The following TMEM182 variants were observed in gnomAD, a reference collection of about 807,000 sequenced individuals.
TMEM182 encodes the protein transmembrane protein 182.
Under a neutral mutation model 26.8 loss-of-function variants are expected in TMEM182, and 20 were observed. The observed-to-expected ratio is 0.75, with a 90% confidence interval of 0.53 to 1.09. TMEM182 has a LOEUF of 1.09. Ranked by LOEUF, TMEM182 falls within the 50% of genes least tolerant of loss-of-function variation. The probability of loss-of-function intolerance (pLI) is 0.00; values close to 1 mark genes in which losing one functional copy is unlikely to be tolerated. For missense variants in TMEM182, 277 were observed against 275.5 expected (o/e 1.01, Z -0.04); for synonymous variants, 109 against 102.2 (o/e 1.07, Z -0.40).
At chr2:102,793,269 G>A (rs557509468) in intron 3 of TMEM182, among the ~76,000 whole-genome samples, 3 of 152,302 alleles carry the variant, frequency 2.0e-5, no homozygotes, top group East Asian at 3.9e-4. Context: ...ATTTACTGAT[G>A]TTTTAGGTTT....
chr2:102,781,115 T>C (rs760790668), intron 3 of TMEM182, among the ~76,000 whole-genome samples: 1 of 152,202 alleles, frequency 6.6e-6, no homozygotes. Context: ...GAGTTATTAG[T>C]TGTACTTACT....
intron 3 of TMEM182, among the ~76,000 whole-genome samples, chr2:102,789,778 G>A (rs1279409869): frequency 6.6e-6 from 1 of 151,974 alleles, no homozygotes; most frequent in African/African-American, 2.4e-5. Flanking sequence ...TAGAGGACCA[G>A]CTCCTTGGAA....
At chr2:102,748,901 G>T (rs1209688153) in intron 1 of TMEM182, among the ~76,000 whole-genome samples, 1 of 152,014 alleles carries the variant, frequency 6.6e-6, no homozygotes. Flanking sequence ...ACCACTCTTA[G>T]AGCTTTGGAA....
Position 102,807,946 on chromosome 2 carries a change from A to G in TMEM182, c.470-6802A>G, listed in dbSNP as rs186138671. On this transcript the variant is annotated intron_variant, in intron 4 of 4. Transcript: ENST00000412401. ...CATACATAAATGAATGACCCTATAT[A>G]CAACATGATTTGTAGATATCATGCA... Among the ~76,000 whole-genome samples the G allele has an allele frequency of 3.9e-5, 6 of 152,334 alleles. No individual in the cohort carries two copies. The East Asian group carries it at 1.2e-3, about 29-fold the overall frequency.
At chr2:102,786,041 ATTT>A (rs35677242) in intron 3 of TMEM182, among the ~76,000 whole-genome samples, 8 of 135,818 alleles carry the variant, frequency 5.9e-5, no homozygotes, top group Non-Finnish European at 9.5e-5. Context: ...GTGTAGATTG[ATTT>A]TTTTTTTTTT....
At chr2:102,749,096 T>C (rs1679801045) in intron 1 of TMEM182, among the ~76,000 whole-genome samples, 1 of 152,212 alleles carries the variant, frequency 6.6e-6, no homozygotes, top group South Asian at 2.1e-4. Context: ...ATTAAAACTT[T>C]ATATTCTTAC....
At chr2:102,787,069 A>T (rs1380183245) in intron 3 of TMEM182, among the ~76,000 whole-genome samples, 3 of 152,196 alleles carry the variant, frequency 2.0e-5, no homozygotes, top group African/African-American at 7.2e-5. Flanking sequence ...CCAACTCTTG[A>T]ATATACCTCT....
intron 4 of TMEM182, among the ~76,000 whole-genome samples, chr2:102,812,935 A>C (rs1317286652): frequency 6.6e-6 from 1 of 152,208 alleles, no homozygotes; most frequent in African/African-American, 2.4e-5. Context: ...GTTGCTAGAC[A>C]ACACATGGAA....
chr2:102,794,173 A>T (rs929767866), intron 3 of TMEM182, among the ~76,000 whole-genome samples: 4 of 152,226 alleles, frequency 2.6e-5, no homozygotes, highest in African/African-American at 9.6e-5. Context: ...TAAAGGATGG[A>T]CACAAACATC....
chr2:102,821,145 G>A (rs577197676), downstream of TMEM182, among the ~76,000 whole-genome samples: 2 of 152,266 alleles, frequency 1.3e-5, no homozygotes, highest in East Asian at 3.9e-4. Context: ...ATGCCAAGGT[G>A]CACTCCAGAC....
chr2:102,817,655 A>G lies in TMEM182; in HGVS notation c.*2687A>G. On this transcript the variant is annotated 3_prime_UTR_variant, in exon 5 of 5. Coordinates refer to ENST00000412401, the MANE Select transcript of TMEM182 (RefSeq NM_144632.5). Reference sequence around the variant, plus strand: ...TTATTAAATTTGAAGATTAAATGGAATTATAAAGGAATATATTGGAGGAAG... The same window carrying G: ...TTATTAAATTTGAAGATTAAATGGAGTTATAAAGGAATATATTGGAGGAAG... 1 of 980,772 alleles carries G rather than the reference A, an allele frequency of 1.0e-6. No individual in the cohort carries two copies. The highest frequency in any genetic ancestry group is 1.2e-6 in the Non-Finnish European group (1 of 825,694). 60.8% of individuals were successfully genotyped at this position (980,772 alleles called of 1,614,324 possible).
rs6752950 is a variant in TMEM182, at chr2:102,816,833, C to A, written c.*1865C>A. 1 of 985,546 alleles carries A rather than the reference C, an allele frequency of 1.0e-6. No homozygotes were observed. The highest frequency in any genetic ancestry group is 1.8e-5 in the African/African-American group (1 of 57,134). The allele number at this position is 985,546 out of a possible 1,614,324, so 61.1% of individuals were successfully genotyped here. Reference sequence around the variant, plus strand: ...TTTTTTGTAGTACTTTGGAATGGAGCCTTTTTCTGGTGTACTGTATGCCAT... The same window carrying A: ...TTTTTTGTAGTACTTTGGAATGGAGACTTTTTCTGGTGTACTGTATGCCAT... On this transcript the variant is annotated 3_prime_UTR_variant, in exon 5 of 5. Coordinates refer to ENST00000412401, the MANE Select transcript of TMEM182 (RefSeq NM_144632.5).
In TMEM182 at chr2:102,798,072, A is replaced by G. The variant is rs555020089; in HGVS notation, c.469+72A>G. On this transcript the variant is annotated intron_variant, in intron 4 of 4. Transcript: ENST00000412401. ...ATGTCTTTCTATTTTTCATTTCTATATTCAGGCGTCAGCCTTCTAGTAACA... is the reference window on the plus strand; with the variant it reads ...ATGTCTTTCTATTTTTCATTTCTATGTTCAGGCGTCAGCCTTCTAGTAACA... 6.5e-6 allele frequency: 10 copies of G among 1,535,576 alleles called. No individual in the cohort carries two copies. The African/African-American group carries it at 1.1e-4, about 17-fold the overall frequency.
intron 4 of TMEM182, among the ~76,000 whole-genome samples, chr2:102,814,440 AC>A (rs1170696210): frequency 2.0e-5 from 3 of 152,208 alleles, no homozygotes; most frequent in African/African-American, 7.2e-5. Flanking sequence ...TATAAATTCT[AC>A]AAGTGCTGAG....
intron 3 of TMEM182, among the ~76,000 whole-genome samples, chr2:102,783,424 G>A (rs748509502): frequency 2.0e-5 from 3 of 152,124 alleles, no homozygotes; most frequent in Non-Finnish European, 2.9e-5. Context: ...TTTTTATGGA[G>A]AAACAAACAA....
rs553870130 is a variant in TMEM182, at chr2:102,768,546, A to C, written c.331+4119A>C. Among the ~76,000 whole-genome samples the C allele has an allele frequency of 8.3e-4, 125 of 151,282 alleles. 1 individual carries two copies. The highest frequency in any genetic ancestry group is 2.4e-3 in the African/African-American group (98 of 41,328). On this transcript the variant is annotated intron_variant, in intron 3 of 4. Coordinates refer to ENST00000412401, the MANE Select transcript of TMEM182 (RefSeq NM_144632.5). Reference sequence around the variant, plus strand: ...ACTAAAAAAAAAAAAAACACACACAAAAAAATTAGCCAGGAGGGGTGGTGC... The same window carrying C: ...ACTAAAAAAAAAAAAAACACACACACAAAAATTAGCCAGGAGGGGTGGTGC...
intron 1 of TMEM182, among the ~76,000 whole-genome samples, chr2:102,751,655 C>T (rs893515843): frequency 1.3e-5 from 2 of 152,098 alleles, no homozygotes; most frequent in Non-Finnish European, 2.9e-5. Context: ...TACATAACTT[C>T]TTCTTAACTC....
At chr2:102,746,661 G>A (rs13432859) in intron 1 of TMEM182, among the ~76,000 whole-genome samples, 105 of 152,016 alleles carry the variant, frequency 6.9e-4, no homozygotes, top group African/African-American at 2.4e-3. Context: ...TGGCGCGATC[G>A]TGGCTCACTG....
intron 3 of TMEM182, among the ~76,000 whole-genome samples, chr2:102,825,643 A>C (rs1016646663): frequency 6.6e-6 from 1 of 152,228 alleles, no homozygotes; most frequent in Non-Finnish European, 1.5e-5. Context: ...TTGTGAGTTA[A>C]ATAATTGTGG....
Sources: gnomAD v4.1 joint callset for allele counts (sites outside exome capture counted in the v4.1 genomes callset) on GRCh38, gnomAD v4.1.1 for gene constraint, MANE v1.5 for transcripts, NCBI Gene and HGNC (gene_info 2026-07-23, HGNC 2026-07-21) for gene names.